The following CCDC32 variants were observed in gnomAD, a reference collection of about 807,000 sequenced individuals.
CCDC32 encodes coiled-coil domain-containing protein 32.
Under a neutral mutation model 20.1 loss-of-function variants are expected in CCDC32, and 9 were observed. The observed-to-expected ratio is 0.45, with a 90% CI of 0.27 to 0.78. The LOEUF (loss-of-function observed/expected upper bound fraction) is 0.78, where lower values mean the gene tolerates loss of function less well. CCDC32 is among the 30% of genes least tolerant of loss of function. CCDC32 has a pLI of 0.16. For synonymous variants in CCDC32, 63 were observed against 79.0 expected (o/e 0.80, Z 1.07); for missense variants, 204 against 215.5 (o/e 0.95, Z 0.33).
downstream of CCDC32, chr15:40,534,919 A>G: frequency 1.4e-6 from 1 of 702,546 alleles, no homozygotes; most frequent in Non-Finnish European, 2.6e-6. Context: ...TCTTGGAGTC[A>G]GATGTCAGGG....
At chr15:40,555,956 A>T (rs889254849) in intron 3 of CCDC32, among the ~76,000 whole-genome samples, 5 of 152,224 alleles carry the variant, frequency 3.3e-5, no homozygotes. Context: ...AACAGCCAAC[A>T]CTTCTATAGT....
At chr15:40,526,683 C>T (rs1354438678), downstream of CCDC32, among the ~76,000 whole-genome samples, 6 of 152,220 alleles carry the variant, frequency 3.9e-5, no homozygotes, top group African/African-American at 9.6e-5. Context: ...GAGGCCGAGG[C>T]GGGCAGATCA....
At chr15:40,537,226 T>G (rs2141604877), downstream of CCDC32, 1 of 152,364 alleles carries the variant, frequency 6.6e-6, no homozygotes, top group African/African-American at 2.4e-5. Context: ...ACTTTATCAG[T>G]ATCCCTGGGG....
intron 2 of CCDC32, among the ~76,000 whole-genome samples, chr15:40,559,524 T>C (rs1414887482): frequency 1.3e-5 from 2 of 152,218 alleles, no homozygotes; most frequent in Non-Finnish European, 2.9e-5. Context: ...TGCAGAATTT[T>C]CATCCCCTAG....
downstream of CCDC32, among the ~76,000 whole-genome samples, chr15:40,531,038 G>T (rs1888858958): frequency 6.6e-6 from 1 of 151,562 alleles, no homozygotes; most frequent in African/African-American, 2.4e-5. Flanking sequence ...ATGCAAAGTG[G>T]ACTGATACAG....
At chr15:40,524,637 G>A (rs372505377), downstream of CCDC32, among the ~76,000 whole-genome samples, 4 of 151,932 alleles carry the variant, frequency 2.6e-5, no homozygotes, top group African/African-American at 9.7e-5. Context: ...AAAGAGGCAT[G>A]AGAGAACTTT....
chr15:40,536,625 TGGA>T (rs960564793), downstream of CCDC32: 1 of 152,258 alleles, frequency 6.6e-6, no homozygotes, highest in Non-Finnish European at 1.5e-5. Flanking sequence ...GGGAGCTGGG[TGGA>T]GGACGAGTAT....
downstream of CCDC32, among the ~76,000 whole-genome samples, chr15:40,552,445 C>T (rs145742874): frequency 7.5e-6 from 1 of 133,384 alleles, no homozygotes; most frequent in East Asian, 2.2e-4. Context: ...CGCGCCATTG[C>T]ACTCGAGCCT....
downstream of CCDC32, chr15:40,539,018 G>A: frequency 3.6e-6 from 2 of 555,188 alleles, no homozygotes; most frequent in Non-Finnish European, 6.5e-6. Context: ...TCTCTAGCTG[G>A]CTCTGACTAA....
chr15:40,539,040 T>C, downstream of CCDC32: 1 of 585,584 alleles, frequency 1.7e-6, no homozygotes, highest in East Asian at 2.9e-5. Flanking sequence ...GCCCTGTCTC[T>C]CTCTTGGCTC....
chr15:40,546,444 C>T (rs1429284318), intron 3 of CCDC32, among the ~76,000 whole-genome samples: 1 of 151,854 alleles, frequency 6.6e-6, no homozygotes, highest in Non-Finnish European at 1.5e-5. Context: ...CTGCCTTGGC[C>T]TCCCAAAGTG....
intron 2 of CCDC32, among the ~76,000 whole-genome samples, chr15:40,561,427 C>T (rs373554446): frequency 4.0e-5 from 6 of 150,666 alleles, no homozygotes; most frequent in African/African-American, 1.2e-4. Context: ...GAGTCGAGAT[C>T]GTGCCACTGC....
chr15:40,538,388 C>T (rs1189485549), downstream of CCDC32: 1 of 152,242 alleles, frequency 6.6e-6, no homozygotes, highest in Admixed American at 6.5e-5. Flanking sequence ...CCATGGAGCT[C>T]ACCTGAGGCT....
At chr15:40,549,100 A>G (rs1889737856), downstream of CCDC32, among the ~76,000 whole-genome samples, 1 of 152,158 alleles carries the variant, frequency 6.6e-6, no homozygotes, top group Non-Finnish European at 1.5e-5. Context: ...ACCCTCAATC[A>G]CTTTAATTAT....
Position 40,562,937 on chromosome 15 carries a change from G to C in CCDC32, c.79C>G (p.Pro27Ala). 1.2e-6 allele frequency: 2 copies of C among 1,614,196 alleles called. No homozygotes were observed. Among genetic ancestry groups the C allele is most frequent in the Non-Finnish European group, 1.7e-6 (2 of 1,180,046 alleles). ...GCACCATCTTCTTGTTCAGGATTTG[G>C]CAGACAGGAACAAATTTCAGCCCAG... ...DLWAEICSCL[P>A]NPEQEDGANN... The change falls in exon 2 of 4, where the codon CCA (proline) becomes GCA (alanine). Residue 27 changes from proline (P) to alanine (A), a missense_variant. Pro to Ala is a conservative substitution (Grantham distance 27). Coordinates refer to ENST00000416810, the MANE Select transcript of CCDC32 (RefSeq NM_001080792.4).
the CCDC32 span, among the ~76,000 whole-genome samples, chr15:40,523,455 A>G: frequency 6.6e-6 from 1 of 151,214 alleles, no homozygotes; most frequent in Non-Finnish European, 1.5e-5. Flanking sequence ...GGTGAGCCAA[A>G]ATCCCGCCAT....
At chr15:40,552,668 A>C (rs1439252552), downstream of CCDC32, among the ~76,000 whole-genome samples, 1 of 145,700 alleles carries the variant, frequency 6.9e-6, no homozygotes, top group Non-Finnish European at 1.5e-5. Context: ...CCAACTACTC[A>C]GGAGGCTGAG....
At chr15:40,558,318 G>C (rs1890387414) in intron 2 of CCDC32, among the ~76,000 whole-genome samples, 2 of 152,044 alleles carry the variant, frequency 1.3e-5, no homozygotes, top group Admixed American at 1.3e-4. Flanking sequence ...TTTTGTTCCT[G>C]TTATTACCAC....
chr15:40,539,131 GA>G, downstream of CCDC32: 1 of 892,904 alleles, frequency 1.1e-6, no homozygotes, highest in Non-Finnish European at 1.7e-6. Context: ...GGGCCAGAGG[GA>G]AGTAGTTGTT....
Sources: allele counts gnomAD v4.1 joint callset (sites outside exome capture counted in the v4.1 genomes callset), GRCh38; gene constraint gnomAD v4.1.1; transcripts MANE v1.5; gene names NCBI Gene and HGNC (gene_info 2026-07-23, HGNC 2026-07-21).